INPP4A: variants seen among roughly 807,000 people sequenced by gnomAD.
INPP4A encodes inositol polyphosphate-4-phosphatase type I A.
In INPP4A, 33 loss-of-function variants were observed where a neutral mutation model predicts 119.8. The observed-to-expected ratio is 0.28, with a 90% confidence interval of 0.21 to 0.37. INPP4A has a LOEUF of 0.37. Among genes scored for constraint, INPP4A ranks in the 10% least tolerant of loss-of-function variants. The pLI is 1.00. For missense variants in INPP4A, 956 were observed against 1,289.9 expected (o/e 0.74, Z 3.97); for synonymous variants, 496 against 500.7 (o/e 0.99, Z 0.12).
At chr2:98,532,233 A>G (rs1002546585) in intron 4 of INPP4A, among the ~76,000 whole-genome samples, 1 of 151,910 alleles carries the variant, frequency 6.6e-6, no homozygotes, top group Non-Finnish European at 1.5e-5. Context: ...TGTATTTTTC[A>G]GTCTTTTAAT....
chr2:98,507,119 C>T (rs1684216636), intron 1 of INPP4A, among the ~76,000 whole-genome samples: 2 of 152,034 alleles, frequency 1.3e-5, no homozygotes, highest in Non-Finnish European at 2.9e-5. Context: ...CTGGGTGGAC[C>T]CTGAAGGGGC....
chr2:98,551,545 T>G (rs542799557), intron 13 of INPP4A, among the ~76,000 whole-genome samples: 19 of 152,190 alleles, frequency 1.2e-4, no homozygotes, highest in Non-Finnish European at 2.2e-4. Context: ...GAAGGGGTAG[T>G]GGTGGTTTCT....
At chr2:98,506,780 G>A (rs1171894326) in intron 1 of INPP4A, among the ~76,000 whole-genome samples, 3 of 152,194 alleles carry the variant, frequency 2.0e-5, no homozygotes, top group Non-Finnish European at 4.4e-5. Flanking sequence ...AGAGGAAGGG[G>A]TCCTGGGCAC....
intron 13 of INPP4A, 173 bp from the exon 14 acceptor site, chr2:98,552,613 G>C (rs752373398): frequency 2.7e-6 from 2 of 739,738 alleles, no homozygotes; most frequent in South Asian, 2.9e-5. Context: ...CATATAGACA[G>C]GAAGAATCTC....
chr2:98,474,779 TC>T (rs1676858599), intron 1 of INPP4A, among the ~76,000 whole-genome samples: 1 of 152,198 alleles, frequency 6.6e-6, no homozygotes, highest in African/African-American at 2.4e-5. Context: ...AAATTCTATT[TC>T]ATGGATAAAA....
intron 13 of INPP4A, among the ~76,000 whole-genome samples, chr2:98,549,148 C>T (rs1693028498): frequency 6.6e-6 from 1 of 152,144 alleles, no homozygotes; most frequent in Non-Finnish European, 1.5e-5. Flanking sequence ...TAATGAATAG[C>T]CAATCTTCAG....
intron 13 of INPP4A, among the ~76,000 whole-genome samples, chr2:98,551,853 A>T (rs2106182047): frequency 6.6e-6 from 1 of 152,308 alleles, no homozygotes; most frequent in East Asian, 1.9e-4. Context: ...GCTTCCTCAG[A>T]TGGTCTGAAA....
At chr2:98,445,795 T>A (rs981516079) in intron 1 of INPP4A, among the ~76,000 whole-genome samples, 1 of 152,198 alleles carries the variant, frequency 6.6e-6, no homozygotes, top group Non-Finnish European at 1.5e-5. Flanking sequence ...AATGATGGGT[T>A]CTTCCTGCCC....
intron 19 of INPP4A, 150 bp from the exon 20 acceptor site, chr2:98,565,490 A>C (rs1205459643): frequency 7.3e-6 from 5 of 685,872 alleles, no homozygotes; most frequent in Non-Finnish European, 1.1e-5. Context: ...AGTGAGTTGC[A>C]GGGGAAGAGG....
chr2:98,462,292 CA>C (rs1673724891), intron 1 of INPP4A, among the ~76,000 whole-genome samples: 1 of 151,912 alleles, frequency 6.6e-6, no homozygotes, highest in Admixed American at 6.6e-5. Flanking sequence ...ACTAAAAATA[CA>C]AAAAATTAGC....
rs911761332 is a variant in INPP4A, at chr2:98,592,279, G to A, written c.*4671G>A. ...TCTGCTGTGCACAGAAGGAACCCCAGCCCAGAAGCACACGCTCCCTGTGGA... is the reference window on the plus strand; with the variant it reads ...TCTGCTGTGCACAGAAGGAACCCCAACCCAGAAGCACACGCTCCCTGTGGA... On this transcript the variant is annotated 3_prime_UTR_variant, in exon 25 of 25. Transcript: ENST00000409851. 9 of 152,398 alleles carry A rather than the reference G, an allele frequency of 5.9e-5. No homozygotes were observed. Among genetic ancestry groups the A allele is most frequent in the African/African-American group, 2.2e-4 (9 of 41,454 alleles). 9.4% of individuals were successfully genotyped at this position (152,398 alleles called of 1,614,324 possible).
chr2:98,473,588 C>T (rs531835806), intron 1 of INPP4A, among the ~76,000 whole-genome samples: 26 of 152,198 alleles, frequency 1.7e-4, no homozygotes, highest in African/African-American at 5.8e-4. Context: ...TGGGCACTGG[C>T]CATGATGGGT....
chr2:98,505,671 G>A (rs1683905326), intron 1 of INPP4A, among the ~76,000 whole-genome samples: 1 of 152,180 alleles, frequency 6.6e-6, no homozygotes, highest in African/African-American at 2.4e-5. Flanking sequence ...TAAAAGCAGA[G>A]CAGAGGAGCC....
chr2:98,533,778 T>C (rs1023294130), intron 5 of INPP4A, among the ~76,000 whole-genome samples: 2 of 152,248 alleles, frequency 1.3e-5, no homozygotes, highest in Non-Finnish European at 1.5e-5. Context: ...TAAGACCTAA[T>C]TCCTTCTTGT....
chr2:98,460,696 T>C (rs1696994262), intron 1 of INPP4A, among the ~76,000 whole-genome samples: 1 of 152,146 alleles, frequency 6.6e-6, no homozygotes, highest in Non-Finnish European at 1.5e-5. Context: ...GGCTTTACAG[T>C]TGTGGATGCT....
At position 98,593,304 on chromosome 2, in the gene INPP4A, A is replaced by G. The variant is rs562613973; in HGVS notation, c.*5696A>G. 6.5e-6 allele frequency: 1 copy of G among 152,684 alleles called. No individual in the cohort carries two copies. The highest frequency in any genetic ancestry group is 1.9e-4 in the East Asian group (1 of 5,178). The allele number at this position is 152,684 out of a possible 1,614,324, so 9.5% of individuals were successfully genotyped here. ...GAGGATGCCTGTGTTAGATGGATGT[A>G]GACAGACACAGCACTTCACTGCTTC... On this transcript the variant is annotated 3_prime_UTR_variant, in exon 25 of 25. Coordinates refer to ENST00000409851, the MANE Select transcript of INPP4A (RefSeq NM_001134225.2).
At chr2:98,498,554 A>G (rs983806934) in intron 1 of INPP4A, among the ~76,000 whole-genome samples, 2 of 151,826 alleles carry the variant, frequency 1.3e-5, no homozygotes, top group Non-Finnish European at 2.9e-5. Context: ...TTGGCCTCTC[A>G]CTGGCAACAC....
At chr2:98,485,604 T>TGG (rs533490094) in intron 1 of INPP4A, among the ~76,000 whole-genome samples, 78 of 152,324 alleles carry the variant, frequency 5.1e-4, no homozygotes, top group African/African-American at 1.8e-3. Flanking sequence ...GGAACACTAA[T>TGG]GCAACTCTTC....
rs994957884 is a variant in INPP4A at position 98,566,954 on chromosome 2, C to T, written c.2420+785C>T. Among the ~76,000 whole-genome samples the T allele has an allele frequency of 5.9e-5, 9 of 152,136 alleles. No homozygotes were observed. The highest frequency in any genetic ancestry group is 2.2e-4 in the African/African-American group (9 of 41,426). ...AAATTTGGTTTCCAGAACAATATGC[C>T]GTGTTCCTGCTGGGCCTTCTGATGT... On this transcript the variant is annotated intron_variant, in intron 21 of 24. Transcript: ENST00000409851. This position sits in a 1 kb window ranked among gnomAD's most constrained non-coding sequence, Gnocchi z 4.2.
Sources: gnomAD v4.1 joint callset for allele counts (sites outside exome capture counted in the v4.1 genomes callset) on GRCh38, gnomAD v4.1.1 for gene constraint, Gnocchi (gnomAD v3.1) non-coding constraint, MANE v1.5 for transcripts, NCBI Gene and HGNC (gene_info 2026-07-23, HGNC 2026-07-21) for gene names.